The following NDUFS1 variants were observed in gnomAD, a reference collection of about 807,000 sequenced individuals.
NDUFS1 encodes NADH:ubiquinone oxidoreductase core subunit S1, also known as NADH-ubiquinone oxidoreductase 75 kDa subunit, mitochondrial.
Under a neutral mutation model 84.4 loss-of-function variants are expected in NDUFS1, and 61 were observed. That is an observed-to-expected ratio of 0.72 (90% CI 0.59 to 0.89). The LOEUF (loss-of-function observed/expected upper bound fraction) is 0.89. Ranked by LOEUF, NDUFS1 falls within the 40% of genes least tolerant of loss-of-function variation. The pLI is 0.00. For synonymous variants in NDUFS1, 275 were observed against 290.0 expected (o/e 0.95, Z 0.53); for missense variants, 891 against 890.0 (o/e 1.00, Z -0.01).
chr2:206,115,667 T>C lies in NDUFS1; in HGVS notation c.*8518A>G. On this transcript the variant is annotated 3_prime_UTR_variant, in exon 19 of 19. Transcript: ENST00000233190. ...TTGCAAAATTAAGATAGTGTTGTTC[T>C]TCATCTGACACTGTACAAGCAACAA... 1 of 373,628 alleles carries C rather than the reference T, an allele frequency of 2.7e-6. No homozygotes were observed. The highest frequency in any genetic ancestry group is 5.1e-6 in the Non-Finnish European group (1 of 196,828). The allele number at this position is 373,628 out of a possible 1,614,324, so 23.1% of individuals were successfully genotyped here.
intron 1 of NDUFS1, 166 bp downstream of exon 1, chr2:206,159,175 C>T: frequency 6.5e-7 from 1 of 1,534,366 alleles, no homozygotes; most frequent in South Asian, 1.2e-5. Flanking sequence ...TGGCTAAAAG[C>T]CCCCCATCTG....
intron 14 of NDUFS1, among the ~76,000 whole-genome samples, chr2:206,132,151 A>G (rs1691537878): frequency 6.6e-6 from 1 of 152,036 alleles, no homozygotes; most frequent in African/African-American, 2.4e-5. Flanking sequence ...AATATTACGC[A>G]GGGTAAAGAA....
At chr2:206,150,279 G>A (rs954016837) in intron 3 of NDUFS1, among the ~76,000 whole-genome samples, 7 of 152,084 alleles carry the variant, frequency 4.6e-5, no homozygotes, top group Non-Finnish European at 8.8e-5. Context: ...TCTTTGCCTC[G>A]CTCCCCTCCT....
Position 206,147,580 on chromosome 2 carries a change from A to G in NDUFS1, c.502T>C (p.Leu168=), listed in dbSNP as rs759656684. The change falls in exon 7 of 19, where the codon TTG becomes CTG. Residue 168 remains leucine, a synonymous_variant. Transcript: ENST00000233190. ...RAVEDKNIGP[L]VKTIMTRCIQ... ...CATCTTGTCATGATGGTCTTTACCAATGGCCCAATGTTCTTGTCTTCCACA... is the reference window on the plus strand; with the variant it reads ...CATCTTGTCATGATGGTCTTTACCAGTGGCCCAATGTTCTTGTCTTCCACA... 6.8e-6 allele frequency: 11 copies of G among 1,614,186 alleles called. No individual in the cohort carries two copies. The Admixed American group carries it at 8.3e-5, about 12-fold the overall frequency.
intron 1 of NDUFS1, among the ~76,000 whole-genome samples, chr2:206,157,753 T>C (rs535740506): frequency 3.3e-5 from 5 of 152,350 alleles, no homozygotes; most frequent in African/African-American, 7.2e-5. Context: ...GCTTTGAACA[T>C]TGATATGCCA....
intron 12 of NDUFS1, among the ~76,000 whole-genome samples, chr2:206,141,214 G>A (rs575447481): frequency 5.3e-5 from 8 of 152,130 alleles, no homozygotes; most frequent in Admixed American, 3.9e-4. Flanking sequence ...CCAGGAGCTC[G>A]AGACTAGCCT....
chr2:206,152,310 G>T, intron 3 of NDUFS1, 109 bp downstream of exon 3: 1 of 825,686 alleles, frequency 1.2e-6, no homozygotes, highest in Non-Finnish European at 2.0e-6. Context: ...ACTTTGCTGT[G>T]TATAGTTATT....
chr2:206,141,598 A>T (rs75138140), intron 12 of NDUFS1, among the ~76,000 whole-genome samples: 4 of 38,482 alleles, frequency 1.0e-4, no homozygotes, highest in Non-Finnish European at 1.8e-4. Context: ...TAAAAAAATT[A>T]AAAAAAAAAA....
rs1261789762 is a variant in NDUFS1 at position 206,154,612 on chromosome 2, CTTT to C, written c.-4-933_-4-931del. On this transcript the variant is annotated intron_variant, in intron 1 of 18. Transcript: ENST00000233190. Reference sequence around the variant, plus strand: ...CAAAACAGAAAAGTTACCAAAACTTCTTTTTATTTGTTTTTGTTTGTTTGTTTC... The same window carrying C: ...CAAAACAGAAAAGTTACCAAAACTTCTTATTTGTTTTTGTTTGTTTGTTTC... 2.0e-5 allele frequency among the ~76,000 whole-genome samples: 3 copies of C among 152,268 alleles called. No homozygotes were observed. The East Asian group carries it at 5.8e-4, about 29-fold the overall frequency.
intron 1 of NDUFS1, among the ~76,000 whole-genome samples, chr2:206,156,631 A>T (rs1006655008): frequency 1.3e-5 from 2 of 152,230 alleles, no homozygotes. Context: ...AAATTTCAAC[A>T]TTAAAGTTTC....
At chr2:206,128,906 G>C (rs915471989) in intron 15 of NDUFS1, among the ~76,000 whole-genome samples, 4 of 152,066 alleles carry the variant, frequency 2.6e-5, no homozygotes, top group African/African-American at 9.6e-5. Flanking sequence ...TGCTTACAAA[G>C]TAGAACTGCT....
chr2:206,155,849 C>T (rs1162497652), intron 1 of NDUFS1, among the ~76,000 whole-genome samples: 14 of 151,542 alleles, frequency 9.2e-5, no homozygotes, highest in Non-Finnish European at 1.3e-4. Context: ...CCACCACGCC[C>T]GGCCAAGTCA....
chr2:206,147,849 T>C lies in NDUFS1; in HGVS notation c.339-15A>G. The C allele has an allele frequency of 6.2e-7, 1 of 1,603,792 alleles. No homozygotes were observed. Among genetic ancestry groups the C allele is most frequent in the South Asian group, 1.1e-5 (1 of 90,838 alleles). ...TCACACCTTCCCTGTATGAAAATTG[T>C]AACATATAAAATGACTCTCAAATAC... On this transcript the variant is annotated splice_polypyrimidine_tract_variant and intron_variant, in intron 5 of 18. Transcript: ENST00000233190.
At chr2:206,138,336 C>G in intron 13 of NDUFS1, 149 bp downstream of exon 13, 1 of 759,230 alleles carries the variant, frequency 1.3e-6, no homozygotes. Flanking sequence ...CTGCCTCGGA[C>G]TCCCAAAGTG....
chr2:206,133,969 A>T (rs1251848043), intron 13 of NDUFS1, among the ~76,000 whole-genome samples: 1 of 152,156 alleles, frequency 6.6e-6, no homozygotes, highest in African/African-American at 2.4e-5. Context: ...ACAGAGTGAG[A>T]CTCTGTCTCA....
rs1691575908 is a variant in NDUFS1, at chr2:206,133,044, T to C, written c.1454A>G (p.Asp485Gly). 1 of 1,613,666 alleles carries C rather than the reference T, an allele frequency of 6.2e-7. No individual in the cohort carries two copies. Among genetic ancestry groups the C allele is most frequent in the African/African-American group, 1.3e-5 (1 of 74,920 alleles). ...AACAGCTGCAAGAATTGCTGCTCCA[T>C]CATTTCTTTGGAGTGCAGAACTGCC... ...VLGSSALQRN[D>G]GAAILAAVSS... The change falls in exon 14 of 19, where the codon GAT (aspartate) becomes GGT (glycine). Residue 485 changes from aspartate to glycine, a missense_variant. Transcript: ENST00000233190.
Position 206,142,732 on chromosome 2 carries a change from A to G in NDUFS1, c.1087T>C (p.Ser363Pro). 1 of 1,614,238 alleles carries G rather than the reference A, an allele frequency of 6.2e-7. No individual in the cohort carries two copies. ...ALKDLLNRVD[S>P]DTLCTEEVFP... ...ACCTCTTCAGTGCATAAGGTGTCAG[A>G]GTCCACTCTATTAAGCAAATCTTTG... Residue 363 changes from serine (S) to proline (P), a missense_variant, in exon 11 of 19, where the codon TCT (serine) becomes CCT (proline). Physicochemically the swap from Ser to Pro is moderately conservative, Grantham distance 74. Coordinates refer to ENST00000233190, the MANE Select transcript of NDUFS1 (RefSeq NM_005006.7).
intron 13 of NDUFS1, among the ~76,000 whole-genome samples, chr2:206,136,859 G>A (rs1250633404): frequency 2.0e-5 from 3 of 151,746 alleles, no homozygotes; most frequent in Admixed American, 1.3e-4. Context: ...AGGTTCAAGC[G>A]ATTCTCCTGC....
At chr2:206,152,268 G>A in intron 3 of NDUFS1, 151 bp downstream of exon 3, 1 of 665,330 alleles carries the variant, frequency 1.5e-6, no homozygotes, top group Non-Finnish European at 2.6e-6. Flanking sequence ...ACTTTGAAGT[G>A]CCAAGATTTA....
Sources: allele counts gnomAD v4.1 joint callset (sites outside exome capture counted in the v4.1 genomes callset), GRCh38; gene constraint gnomAD v4.1.1; transcripts MANE v1.5; gene names NCBI Gene and HGNC (gene_info 2026-07-23, HGNC 2026-07-21).